Variants in HEY1 observed in about 807,000 individuals in gnomAD.
The protein encoded by HEY1 is hairy/enhancer-of-split related with YRPW motif protein 1.
Under a neutral mutation model 28.7 loss-of-function variants are expected in HEY1, and 9 were observed. The observed-to-expected ratio is 0.31, with a 90% confidence interval of 0.19 to 0.55. The LOEUF is 0.55. Among genes scored for constraint, HEY1 ranks in the 20% least tolerant of loss-of-function variants. The pLI, the probability that HEY1 is intolerant of heterozygous loss-of-function variation, is 0.93. For missense variants in HEY1, 385 were observed against 399.4 expected (o/e 0.96, Z 0.31); for synonymous variants, 213 against 175.6 (o/e 1.21, Z -1.68).
chr8:79,765,599 C>A lies in HEY1; in HGVS notation c.504G>T (p.Ala168=). 1 of 1,614,140 alleles carries A rather than the reference C, an allele frequency of 6.2e-7. No individual in the cohort carries two copies. The part of the protein sequence containing the change: ...LNNYASQREA[A]SGAHAGLGHI... The stretch of plus-strand genomic sequence containing the variant: ...GTCCGAGGCCCGCGTGGGCGCCGCT[C>A]GCGGCTTCCCGCTGGGAAGCGTAGT... The change falls in exon 5 of 5, where the codon GCG becomes GCT. Residue 168 remains alanine (A), a synonymous_variant. Coordinates refer to ENST00000354724, the MANE Select transcript of HEY1 (RefSeq NM_012258.4).
chr8:79,767,674 TG>T lies in HEY1; in HGVS notation c.-12del, dbSNP rs767548501. 2.9e-4 allele frequency: 459 copies of T among 1,578,472 alleles called. 1 individual carries two copies. In the African/African-American group the frequency reaches 5.1e-3, roughly 17 times the overall value. On this transcript the variant is annotated 5_prime_UTR_variant, in exon 1 of 5. Coordinates refer to ENST00000354724, the MANE Select transcript of HEY1 (RefSeq NM_012258.4). Reference sequence around the variant, plus strand: ...GTGAGCTCGCTTCATGCTGGCTCCCTGGGGGTTCCTGGGGAGGGTCGGCGCG... The same window carrying T: ...GTGAGCTCGCTTCATGCTGGCTCCCTGGGGTTCCTGGGGAGGGTCGGCGCG...
Position 79,767,678 on chromosome 8 carries a change from G to T in HEY1, c.-15C>A. On this transcript the variant is annotated 5_prime_UTR_variant, in exon 1 of 5. Coordinates refer to ENST00000354724, the MANE Select transcript of HEY1 (RefSeq NM_012258.4). ...GCTCGCTTCATGCTGGCTCCCTGGG[G>T]GTTCCTGGGGAGGGTCGGCGCGGCG... 6.3e-7 allele frequency: 1 copy of T among 1,578,422 alleles called. No homozygotes were observed. The highest frequency in any genetic ancestry group is 1.8e-5 in the Admixed American group (1 of 56,424).
At chr8:79,766,536 G>A in intron 4 of HEY1, 115 bp downstream of exon 4, 1 of 1,547,622 alleles carries the variant, frequency 6.5e-7, no homozygotes. Flanking sequence ...ACCACACACC[G>A]TTCTCTCCCC....
chr8:79,766,282 T>TA, intron 4 of HEY1: 1 of 1,523,840 alleles, frequency 6.6e-7, no homozygotes, highest in Non-Finnish European at 8.7e-7. Flanking sequence ...ACCTTTTTTT[T>TA]AAAATCCCGT....
chr8:79,765,803 G>A (rs377749531), intron 4 of HEY1, 32 bp from the exon 5 acceptor site: 11 of 1,559,048 alleles, frequency 7.1e-6, no homozygotes, highest in South Asian at 3.5e-5. Flanking sequence ...AAATCTCAGG[G>A]CTTTGCCCGT....
chr8:79,764,875 A>G lies in HEY1; in HGVS notation c.*313T>C. 3.8e-6 allele frequency: 1 copy of G among 260,690 alleles called. No homozygotes were observed. Among genetic ancestry groups the G allele is most frequent in the Non-Finnish European group, 7.2e-6 (1 of 138,236 alleles). 16.1% of individuals were successfully genotyped at this position (260,690 alleles called of 1,614,324 possible). A position where few individuals can be genotyped will look rare whatever the true frequency, so the allele number is the denominator to read the frequency against. On this transcript the variant is annotated 3_prime_UTR_variant, in exon 5 of 5. Transcript: ENST00000354724. ...CAAATTTTGAGGCAAAAACGGAATCATTCTGGTTTACAAAGTAAATTAGGC... is the reference window on the plus strand; with the variant it reads ...CAAATTTTGAGGCAAAAACGGAATCGTTCTGGTTTACAAAGTAAATTAGGC...
rs565777230 is a variant in HEY1, at chr8:79,766,043, T to C, written c.332-272A>G. On this transcript the variant is annotated intron_variant, in intron 4 of 4. Coordinates refer to ENST00000354724, the MANE Select transcript of HEY1 (RefSeq NM_012258.4). ...GCAGATGAAACTATGTTCATTCCTT[T>C]AATGTTTTCCCTCAACAACAACAAA... 2.0e-5 allele frequency among the ~76,000 whole-genome samples: 3 copies of C among 146,572 alleles called. No homozygotes were observed. The South Asian group carries it at 6.7e-4, about 33-fold the overall frequency.
chr8:79,765,742 C>G lies in HEY1; in HGVS notation c.361G>C (p.Asp121His). The G allele has an allele frequency of 1.2e-6, 2 of 1,612,768 alleles. No homozygotes were observed. Among genetic ancestry groups the G allele is most frequent in the Non-Finnish European group, 1.7e-6 (2 of 1,178,828 alleles). Residue 121 changes from aspartate (D) to histidine (H), a missense_variant, in exon 5 of 5, where the codon GAC becomes CAC. By Grantham distance (81) the Asp-to-His change is moderately conservative. Around this residue, in one of 3 missense-constraint regions of HEY1, gnomAD observed 83 missense variants for 122.7 expected, o/e 0.68. Transcript: ENST00000354724. ...GYFDAHALAM[D>H]YRSLGFRECL... ...TCCCGAAATCCCAAACTCCGATAGT[C>G]CATAGCAAGGGCGTGCGCGTCAAAG... is the stretch of plus-strand genomic sequence containing the variant.
In HEY1 at chr8:79,767,061, T is replaced by C; in HGVS notation, c.197A>G (p.Asn66Ser). ...CCTTCTCAGCTCAGACAAACTGTTA[T>C]TGATCCGGTCTCGTCGGCGCTTCTC... is the stretch of plus-strand genomic sequence containing the variant. ...IIEKRRRDRI[N>S]NSLSELRRLV... The change falls in exon 3 of 5, where the codon AAT becomes AGT. Residue 66 changes from asparagine to serine, a missense_variant. Around this residue, in one of 3 missense-constraint regions of HEY1, gnomAD observed 83 missense variants for 122.7 expected, o/e 0.68. Coordinates refer to ENST00000354724, the MANE Select transcript of HEY1 (RefSeq NM_012258.4). 11 of 1,614,144 alleles carry C rather than the reference T, an allele frequency of 6.8e-6. No individual in the cohort carries two copies. Among genetic ancestry groups the C allele is most frequent in the Non-Finnish European group, 9.3e-6 (11 of 1,180,026 alleles).
At chr8:79,767,431 TG>T in intron 1 of HEY1, 137 bp from the exon 2 acceptor site, 2 of 1,130,208 alleles carry the variant, frequency 1.8e-6, no homozygotes, top group African/African-American at 1.6e-5. Context: ...AGGGGTTCCC[TG>T]GCCGCAGGCT....
intron 4 of HEY1, chr8:79,766,237 G>A (rs1585959652): frequency 2.6e-6 from 4 of 1,534,286 alleles, no homozygotes; most frequent in Non-Finnish European, 3.5e-6. Flanking sequence ...TACTTAACCA[G>A]AATACATTTC....
chr8:79,766,884 T>C lies in HEY1; in HGVS notation c.249+125A>G, dbSNP rs1385930607. On this transcript the variant is annotated intron_variant, in intron 3 of 4. Coordinates refer to ENST00000354724, the MANE Select transcript of HEY1 (RefSeq NM_012258.4). ...GTTGTCTTCACAAAATACGCTGGTATCTGTGTACGAATTCATCTAGGCACA... is the reference window on the plus strand; with the variant it reads ...GTTGTCTTCACAAAATACGCTGGTACCTGTGTACGAATTCATCTAGGCACA... The C allele has an allele frequency of 5.1e-6, 6 of 1,183,464 alleles. No individual in the cohort carries two copies. In the Admixed American group the frequency reaches 1.1e-4, roughly 21 times the overall value. 73.3% of individuals were successfully genotyped at this position (1,183,464 alleles called of 1,614,324 possible).
rs1807879965 is a variant in HEY1, at chr8:79,767,627, T to C, written c.37A>G (p.Ser13Gly). Residue 13 changes from serine to glycine, a missense_variant, in exon 1 of 5, where the codon AGC becomes GGC. Transcript: ENST00000354724. The stretch of plus-strand genomic sequence containing the variant: ...ACCTCGATGGTCTCGTCCAGCTCGC[T>C]GTCCGAGGAGCTGTACTCGGGGTGA... ...RAHPEYSSSDSELDETIEVEK... is the reference protein window; with the variant it reads ...RAHPEYSSSDGELDETIEVEK... The C allele has an allele frequency of 6.2e-7, 1 of 1,610,160 alleles. No homozygotes were observed. The highest frequency in any genetic ancestry group is 8.5e-7 in the Non-Finnish European group (1 of 1,178,844).
Position 79,767,300 on chromosome 8 carries a change from A to C in HEY1, c.90-6T>G. 6.2e-7 allele frequency: 1 copy of C among 1,610,006 alleles called. No individual in the cohort carries two copies. On this transcript the variant is annotated splice_polypyrimidine_tract_variant and splice_region_variant and intron_variant, in intron 1 of 4. Transcript: ENST00000354724. ...CTAGAGCCGAACTCAAGTTTCTGAA[A>C]AGAGAAAAAGAACAAACAAAAACTG...
intron 1 of HEY1, 24 bp downstream of exon 1, chr8:79,767,551 T>C: frequency 6.3e-7 from 1 of 1,585,468 alleles, no homozygotes; most frequent in Non-Finnish European, 8.6e-7. Flanking sequence ...CTGGCTCGGC[T>C]CCGCTCCGCC....
rs942163858 is a variant in HEY1 at position 79,766,112 on chromosome 8, T to C, written c.332-341A>G. Reference sequence around the variant, plus strand: ...GAAACCACAGAGCAGTGAAATTCATTAGACACACAGATGTAAGTTATCATC... The same window carrying C: ...GAAACCACAGAGCAGTGAAATTCATCAGACACACAGATGTAAGTTATCATC... On this transcript the variant is annotated intron_variant, in intron 4 of 4. Coordinates refer to ENST00000354724, the MANE Select transcript of HEY1 (RefSeq NM_012258.4). 1.2e-5 allele frequency: 12 copies of C among 972,594 alleles called. No individual in the cohort carries two copies. The African/African-American group carries it at 1.8e-4, about 15-fold the overall frequency. 60.2% of individuals were successfully genotyped at this position (972,594 alleles called of 1,614,324 possible).
At chr8:79,766,448 C>T (rs2130489872) in intron 4 of HEY1, 1 of 1,482,746 alleles carries the variant, frequency 6.7e-7, no homozygotes. Context: ...TAGCTCAATC[C>T]GCAGAGAGCT....
rs1221264161 is a variant in HEY1, at chr8:79,767,016, T to C, written c.242A>G (p.Glu81Gly). 1 of 1,613,748 alleles carries C rather than the reference T, an allele frequency of 6.2e-7. No homozygotes were observed. The highest frequency in any genetic ancestry group is 8.5e-7 in the Non-Finnish European group (1 of 1,179,712). The change falls in exon 3 of 5, where the codon GAG becomes GGG. Residue 81 changes from glutamate (E) to glycine (G), a missense_variant. By Grantham distance (98) the Glu-to-Gly change is moderately conservative. Around this residue, in one of 3 missense-constraint regions of HEY1, gnomAD observed 83 missense variants for 122.7 expected, o/e 0.68. Coordinates refer to ENST00000354724, the MANE Select transcript of HEY1 (RefSeq NM_012258.4). ...ELRRLVPSAF[E>G]KQGSAKLEKA... ...ACCTACTTGCTCCATTACCTGCTTC[T>C]CAAAAGCACTGGGTACCAGCCTTCT...
intron 4 of HEY1, chr8:79,766,119 A>G: frequency 9.7e-7 from 1 of 1,028,398 alleles, no homozygotes; most frequent in East Asian, 2.6e-5. Flanking sequence ...CATTAGACAC[A>G]CAGATGTAAG....
Sources: gnomAD v4.1 joint callset for allele counts (sites outside exome capture counted in the v4.1 genomes callset) on GRCh38, gnomAD v4.1.1 for gene constraint, gnomAD v4.1.1 regional missense constraint, MANE v1.5 for transcripts, NCBI Gene and HGNC (gene_info 2026-07-23, HGNC 2026-07-21) for gene names.